Variants in FSTL1 observed in about 807,000 individuals in gnomAD.
FSTL1 encodes the protein follistatin-related protein 1.
Under a neutral mutation model 45.9 loss-of-function variants are expected in FSTL1, and 24 were observed. That is an observed-to-expected ratio of 0.52 (90% CI 0.38 to 0.74). The LOEUF is 0.74. Ranked by LOEUF, FSTL1 falls within the 30% of genes least tolerant of loss-of-function variation. The pLI, the probability that FSTL1 is intolerant of heterozygous loss-of-function variation, is 0.00. For missense variants in FSTL1, 340 were observed against 381.8 expected, an observed-to-expected ratio of 0.89 and a Z score of 0.91; for synonymous variants, 120 against 137.6, an observed-to-expected ratio of 0.87 and a Z score of 0.89.
intron 3 of FSTL1, among the ~76,000 whole-genome samples, chr3:120,412,836 GCGCACACA>G (rs1343533177): frequency 7.6e-4 from 55 of 72,814 alleles, no homozygotes; most frequent in South Asian, 2.5e-3. Flanking sequence ...GCGCGCGCGC[GCGCACACA>G]CACACACACA....
intron 2 of FSTL1, among the ~76,000 whole-genome samples, chr3:120,441,979 C>T (rs1347824548): frequency 1.3e-5 from 2 of 152,164 alleles, no homozygotes; most frequent in African/African-American, 2.4e-5. Context: ...TACTTCCTCT[C>T]GAGGAAAAAT....
chr3:120,400,223 C>G, intron 9 of FSTL1: 1 of 462,972 alleles, frequency 2.2e-6, no homozygotes, highest in Non-Finnish European at 3.9e-6. Context: ...CAGCCAGAAG[C>G]TGGCCCTACA....
intron 2 of FSTL1, among the ~76,000 whole-genome samples, chr3:120,446,354 T>C (rs1399262057): frequency 6.6e-6 from 1 of 152,234 alleles, no homozygotes; most frequent in African/African-American, 2.4e-5. Flanking sequence ...CTTGCTTCTA[T>C]GAGCCTGGGG....
chr3:120,393,023 A>C lies in FSTL1; in HGVS notation c.*3929T>G, dbSNP rs1424376262. 1.3e-5 allele frequency: 2 copies of C among 152,220 alleles called. No individual in the cohort carries two copies. Among genetic ancestry groups the C allele is most frequent in the African/African-American group, 4.8e-5 (2 of 41,448 alleles). 9.4% of individuals were successfully genotyped at this position (152,220 alleles called of 1,614,324 possible). A position where few individuals can be genotyped will look rare whatever the true frequency, so the allele number is the denominator to read the frequency against. On this transcript the variant is annotated 3_prime_UTR_variant, in exon 11 of 11. Coordinates refer to ENST00000295633, the MANE Select transcript of FSTL1 (RefSeq NM_007085.5). ...CTGAATACATACATACTATAACAGC[A>C]GAAAAAGTTTTCCCAGAACATGGTG...
At chr3:120,445,929 A>G (rs1374134276) in intron 2 of FSTL1, among the ~76,000 whole-genome samples, 1 of 149,994 alleles carries the variant, frequency 6.7e-6, no homozygotes, top group Non-Finnish European at 1.5e-5. Flanking sequence ...CTCTCAGAGA[A>G]AGCACCCCTT....
chr3:120,413,775 AACTCCCTCTCCCTCTCCCCCTCCCC>A (rs1937116792), intron 3 of FSTL1, among the ~76,000 whole-genome samples: 1 of 79,210 alleles, frequency 1.3e-5, no homozygotes, highest in Non-Finnish European at 2.5e-5. Context: ...TTAAAAAAAA[AACTCCCTCTCCCTCTCCCCCTCCCC>A]CTCCCTCTCC....
intron 6 of FSTL1, among the ~76,000 whole-genome samples, chr3:120,405,719 A>T (rs1478367679): frequency 6.6e-6 from 1 of 152,332 alleles, no homozygotes; most frequent in East Asian, 1.9e-4. Context: ...CAAAGTGAGG[A>T]GTGCAGTAAG....
intron 2 of FSTL1, among the ~76,000 whole-genome samples, chr3:120,442,811 G>GTC (rs1937652564): frequency 1.8e-5 from 2 of 113,010 alleles, no homozygotes; most frequent in African/African-American, 9.0e-5. Context: ...AAAAAAAAAA[G>GTC]CAGACTTGGA....
At chr3:120,413,782 T>TCTCCCC (rs1937117436) in intron 3 of FSTL1, among the ~76,000 whole-genome samples, 2 of 2,384 alleles carry the variant, frequency 8.4e-4, no homozygotes, top group African/African-American at 1.9e-3. Flanking sequence ...AAAAACTCCC[T>TCTCCCC]CTCCCTCTCC....
intron 2 of FSTL1, among the ~76,000 whole-genome samples, chr3:120,448,573 A>G (rs910209820): frequency 3.3e-5 from 5 of 152,208 alleles, no homozygotes; most frequent in African/African-American, 1.2e-4. Flanking sequence ...CCTAGCTCAT[A>G]CCTACCCCTC....
chr3:120,424,704 G>A (rs960828163), intron 2 of FSTL1, among the ~76,000 whole-genome samples: 6 of 152,132 alleles, frequency 3.9e-5, no homozygotes, highest in African/African-American at 1.4e-4. Flanking sequence ...AGAATAACGA[G>A]GTCTGGCAAC....
intron 2 of FSTL1, among the ~76,000 whole-genome samples, chr3:120,420,497 G>A (rs1031656331): frequency 7.2e-5 from 11 of 152,168 alleles, no homozygotes; most frequent in Admixed American, 6.5e-5. Flanking sequence ...ACCAGTCTCC[G>A]TGTTGTTTTC....
intron 2 of FSTL1, among the ~76,000 whole-genome samples, chr3:120,442,630 A>G (rs1937645997): frequency 6.6e-6 from 1 of 151,674 alleles, no homozygotes; most frequent in Admixed American, 6.6e-5. Context: ...AAACACAAAA[A>G]TTAGCCGGGT....
chr3:120,412,144 G>T (rs1373194648), intron 3 of FSTL1, among the ~76,000 whole-genome samples, 161 bp from the exon 4 acceptor site: 1 of 152,218 alleles, frequency 6.6e-6, no homozygotes, highest in South Asian at 2.1e-4. Context: ...GGCAGTCACA[G>T]TTCTGGCCAA....
At chr3:120,404,824 T>A in intron 7 of FSTL1, 29 bp downstream of exon 7, 1 of 1,087,462 alleles carries the variant, frequency 9.2e-7, no homozygotes, top group Non-Finnish European at 1.4e-6. Context: ...CCCTTGTGGA[T>A]CATTCTCTGA....
chr3:120,412,330 G>A (rs1937073596), intron 3 of FSTL1, among the ~76,000 whole-genome samples: 2 of 152,242 alleles, frequency 1.3e-5, no homozygotes. Flanking sequence ...CCTTTAGGAG[G>A]TGATTAGGTC....
chr3:120,425,242 G>A (rs1437404146), intron 2 of FSTL1, among the ~76,000 whole-genome samples: 3 of 152,044 alleles, frequency 2.0e-5, no homozygotes, highest in African/African-American at 4.8e-5. Context: ...CAAAGCAGCC[G>A]AGAGTAGAGT....
chr3:120,442,796 A>G (rs1420157932), intron 2 of FSTL1, among the ~76,000 whole-genome samples: 3 of 148,662 alleles, frequency 2.0e-5, no homozygotes, highest in South Asian at 2.1e-4. Flanking sequence ...AAGAAAAAAA[A>G]AAAAAAAAAA....
intron 10 of FSTL1, among the ~76,000 whole-genome samples, 172 bp from the exon 11 acceptor site, chr3:120,397,168 C>T (rs1936719481): frequency 6.6e-6 from 1 of 152,186 alleles, no homozygotes; most frequent in Admixed American, 6.6e-5. Flanking sequence ...AGAACTATGG[C>T]CTATTCATGA....
Sources: gnomAD v4.1 joint callset for allele counts (sites outside exome capture counted in the v4.1 genomes callset) on GRCh38, gnomAD v4.1.1 for gene constraint, MANE v1.5 for transcripts, NCBI Gene and HGNC (gene_info 2026-07-23, HGNC 2026-07-21) for gene names.